RBPMS: variants seen among roughly 807,000 people sequenced by gnomAD.
RBPMS encodes RNA-binding protein with multiple splicing.
A neutral mutation model predicts 26.8 loss-of-function variants in RBPMS; 7 were observed. That is an observed-to-expected ratio of 0.26 (90% CI 0.15 to 0.49). RBPMS has a LOEUF of 0.49. Among genes scored for constraint, RBPMS ranks in the 20% least tolerant of loss-of-function variants. The pLI, the probability that RBPMS is intolerant of heterozygous loss-of-function variation, is 0.98. For missense variants in RBPMS, 186 were observed against 250.0 expected, an observed-to-expected ratio of 0.74 and a Z score of 1.73; for synonymous variants, 96 against 93.3, an observed-to-expected ratio of 1.03 and a Z score of -0.17.
At chr8:30,511,204 A>G (rs1033062914) in intron 5 of RBPMS, among the ~76,000 whole-genome samples, 3 of 151,354 alleles carry the variant, frequency 2.0e-5, no homozygotes, top group African/African-American at 7.3e-5. Flanking sequence ...AATCTCAGCT[A>G]CTCCGGAGGC....
intron 6 of RBPMS, among the ~76,000 whole-genome samples, chr8:30,551,543 G>A (rs903045317): frequency 1.3e-5 from 2 of 152,216 alleles, no homozygotes; most frequent in African/African-American, 4.8e-5. Context: ...AGGTTTCTAA[G>A]TGTGTTCCAT....
rs1252633299 is a variant in RBPMS at position 30,384,979 on chromosome 8, GCGGCGCCCGCCCGAGGGAGCCC to G, written c.-104_-83del. On this transcript the variant is annotated 5_prime_UTR_variant, in exon 1 of 9. Transcript: ENST00000397323. The surrounding 1 kb of genome is among the most constrained non-coding windows in gnomAD (Gnocchi z 5.6). ...GGCTCCAGCTCCAGCCCCACAGCCCGCGGCGCCCGCCCGAGGGAGCCCCGGCGCCCGGGGAAGGCTCCAGTGG... is the reference window on the plus strand; with the variant it reads ...GGCTCCAGCTCCAGCCCCACAGCCCGCGGCGCCCGGGGAAGGCTCCAGTGG... 8.7e-6 allele frequency: 6 copies of G among 691,908 alleles called. No individual in the cohort carries two copies. Among genetic ancestry groups the G allele is most frequent in the Non-Finnish European group, 1.1e-5 (5 of 473,480 alleles). The allele number at this position is 691,908 out of a possible 1,614,324, so 42.9% of individuals were successfully genotyped here.
chr8:30,445,649 G>GATATATATATATATATATATATAT lies in RBPMS; in HGVS notation c.67-29127_67-29104dup, dbSNP rs59580323. Among the ~76,000 whole-genome samples the GATATATATATATATATATATATAT allele has an allele frequency of 8.1e-3, 869 of 107,020 alleles. 31 individuals carry two copies. Among genetic ancestry groups the GATATATATATATATATATATATAT allele is most frequent in the African/African-American group, 0.011 (281 of 25,348 alleles). 70.2% of individuals were successfully genotyped at this position (107,020 alleles called of 152,430 possible). ...ACACACATATGTAGATATACACACGGATATATATATATATATATATATATA... is the reference window on the plus strand; with the variant it reads ...ACACACATATGTAGATATACACACGGATATATATATATATATATATATATATATATATATATATATATATATATA... On this transcript the variant is annotated intron_variant, in intron 1 of 8. Coordinates refer to ENST00000397323, the MANE Select transcript of RBPMS (RefSeq NM_001008710.3).
intron 5 of RBPMS, chr8:30,537,495 C>T (rs1824918012): frequency 4.4e-6 from 2 of 452,560 alleles, no homozygotes; most frequent in South Asian, 1.6e-5. Context: ...TGAGAACCCG[C>T]ATTTGGGTAA....
chr8:30,410,143 TACAC>T (rs34489233), intron 1 of RBPMS, among the ~76,000 whole-genome samples: 12,117 of 132,022 alleles, frequency 0.092, 866 homozygotes, highest in African/African-American at 0.21. Context: ...TGACTTAAAA[TACAC>T]ACACACACAC....
intron 1 of RBPMS, among the ~76,000 whole-genome samples, chr8:30,447,669 C>A (rs1563327564): frequency 6.6e-6 from 1 of 152,016 alleles, no homozygotes; most frequent in Non-Finnish European, 1.5e-5. Flanking sequence ...AAAATGAATT[C>A]CATAACAAAG....
intron 7 of RBPMS, chr8:30,562,046 A>G (rs1224383200): frequency 2.0e-6 from 2 of 985,260 alleles, no homozygotes; most frequent in Non-Finnish European, 2.4e-6. Flanking sequence ...AGAATATGTA[A>G]TGGACCAGGC....
At chr8:30,395,414 A>G (rs1221905140) in intron 1 of RBPMS, among the ~76,000 whole-genome samples, 1 of 39,588 alleles carries the variant, frequency 2.5e-5, no homozygotes, top group Non-Finnish European at 3.8e-5. Context: ...GCTGTGAGCC[A>G]TGATCGCACC....
chr8:30,552,086 C>T (rs1404412001), intron 6 of RBPMS, among the ~76,000 whole-genome samples: 1 of 152,110 alleles, frequency 6.6e-6, no homozygotes, highest in Non-Finnish European at 1.5e-5. Flanking sequence ...TAAGAGAAAC[C>T]TAAGGGCCTG....
chr8:30,469,906 A>T (rs902084433), intron 1 of RBPMS, among the ~76,000 whole-genome samples: 2 of 152,222 alleles, frequency 1.3e-5, no homozygotes, highest in South Asian at 2.1e-4. Flanking sequence ...GCTTTCTGTT[A>T]TCACAGGCAG....
At chr8:30,528,047 C>T (rs191268970) in intron 5 of RBPMS, among the ~76,000 whole-genome samples, 2,564 of 152,122 alleles carry the variant, frequency 0.017, 70 homozygotes, top group African/African-American at 0.059. Context: ...TGGTGGCGGG[C>T]GCCTGTAATC....
intron 6 of RBPMS, among the ~76,000 whole-genome samples, chr8:30,546,175 C>A (rs1825852018): frequency 6.6e-6 from 1 of 152,228 alleles, no homozygotes. Context: ...CACCCCTGCT[C>A]TGGATGGTGT....
At chr8:30,474,415 C>T (rs1296414830) in intron 1 of RBPMS, among the ~76,000 whole-genome samples, 2 of 152,034 alleles carry the variant, frequency 1.3e-5, no homozygotes, top group Admixed American at 6.6e-5. Flanking sequence ...TTATATGGAA[C>T]CTCCCCCCAT....
intron 6 of RBPMS, chr8:30,558,575 G>C (rs553370176): frequency 2.1e-6 from 1 of 475,726 alleles, no homozygotes; most frequent in African/African-American, 1.9e-5. Flanking sequence ...TCGCTGTGCC[G>C]GATCTTAGCC....
rs894739078 is a variant in RBPMS, at chr8:30,449,938, A to G, written c.67-24841A>G. ...CAACAGAAAATCTTCAAAAATTACA[A>G]TTTACTTTTAGTTACACTTCAAGTC... On this transcript the variant is annotated intron_variant, in intron 1 of 8. Coordinates refer to ENST00000397323, the MANE Select transcript of RBPMS (RefSeq NM_001008710.3). 4.6e-5 allele frequency among the ~76,000 whole-genome samples: 7 copies of G among 152,252 alleles called. No homozygotes were observed. In the East Asian group the frequency reaches 1.3e-3, roughly 29 times the overall value.
chr8:30,474,755 C>T lies in RBPMS; in HGVS notation c.67-24C>T, dbSNP rs199664065. 2.5e-4 allele frequency: 372 copies of T among 1,479,202 alleles called. 1 individual carries two copies. The Middle Eastern group carries it at 7.1e-3, about 28-fold the overall frequency. 91.6% of individuals were successfully genotyped at this position (1,479,202 alleles called of 1,614,324 possible). A position where few individuals can be genotyped will look rare whatever the true frequency, so the allele number is the denominator to read the frequency against. On this transcript the variant is annotated intron_variant, in intron 1 of 8. Coordinates refer to ENST00000397323, the MANE Select transcript of RBPMS (RefSeq NM_001008710.3). ...TCTCTGGAGTGTCCACACCCTTGAT[C>T]ACTTCCTAAATTTATTTTTCCAGGT... is the stretch of plus-strand genomic sequence containing the variant.
intron 1 of RBPMS, among the ~76,000 whole-genome samples, chr8:30,408,336 C>G (rs1344985967): frequency 6.6e-6 from 1 of 152,184 alleles, no homozygotes; most frequent in Non-Finnish European, 1.5e-5. Context: ...TGAGACCAGC[C>G]TGGCCAATGT....
At chr8:30,536,347 G>A (rs1285195155) in intron 5 of RBPMS, among the ~76,000 whole-genome samples, 3 of 152,070 alleles carry the variant, frequency 2.0e-5, no homozygotes, top group East Asian at 1.9e-4. Flanking sequence ...GGCTGGTCTC[G>A]AACTCCCGAC....
intron 5 of RBPMS, among the ~76,000 whole-genome samples, chr8:30,528,402 G>T (rs1823836362): frequency 6.6e-6 from 1 of 152,064 alleles, no homozygotes; most frequent in African/African-American, 2.4e-5. Context: ...TGTAGGATGG[G>T]GGAAACTCCT....
Sources: gnomAD v4.1 joint callset for allele counts (sites outside exome capture counted in the v4.1 genomes callset) on GRCh38, gnomAD v4.1.1 for gene constraint, Gnocchi (gnomAD v3.1) non-coding constraint, MANE v1.5 for transcripts, NCBI Gene and HGNC (gene_info 2026-07-23, HGNC 2026-07-21) for gene names.